The following MATR3 variants were observed in gnomAD, a reference collection of about 807,000 sequenced individuals.
MATR3 encodes matrin-3.
MATR3 carries 4 observed loss-of-function variants against 85.5 expected under a neutral mutation model. That is an observed-to-expected ratio of 0.05 (90% confidence interval 0.02 to 0.11). The LOEUF (loss-of-function observed/expected upper bound fraction) is 0.11, where lower values mean the gene tolerates loss of function less well. Ranked by LOEUF, MATR3 falls within the 10% of genes least tolerant of loss-of-function variation. The pLI is 1.00. For synonymous variants in MATR3, 336 were observed against 343.1 expected, an observed-to-expected ratio of 0.98 and a Z score of 0.23; for missense variants, 685 against 1,016.1, an observed-to-expected ratio of 0.67 and a Z score of 4.43.
In MATR3 at chr5:139,320,583, G is replaced by A. The variant is rs144363054; in HGVS notation, c.1602+1082G>A. ...GTGCCACTGTACTTCAGCATAGGCA[G>A]TGGAGTGAGACCCTGTCTCAAAAAG... On this transcript the variant is annotated intron_variant, in intron 9 of 14. Coordinates refer to ENST00000394805, the MANE Select transcript of MATR3 (RefSeq NM_018834.6). Among the ~76,000 whole-genome samples, 14 of 152,266 alleles carry A rather than the reference G, an allele frequency of 9.2e-5. No individual in the cohort carries two copies. The East Asian group carries it at 1.5e-3, about 17-fold the overall frequency.
At chr5:139,299,517 TGTTAAAAATTAGTCGG>T (rs1015300810) in intron 1 of MATR3, among the ~76,000 whole-genome samples, 1 of 151,990 alleles carries the variant, frequency 6.6e-6, no homozygotes, top group Non-Finnish European at 1.5e-5. Flanking sequence ...CTACTAAAAA[TGTTAAAAATTAGTCGG>T]GTATAGTGGT....
In MATR3 at chr5:139,314,889, T is replaced by G; in HGVS notation, c.974+153T>G. 3 of 681,322 alleles carry G rather than the reference T, an allele frequency of 4.4e-6. No homozygotes were observed. In the South Asian group the frequency reaches 4.8e-5, roughly 11 times the overall value. 42.2% of individuals were successfully genotyped at this position (681,322 alleles called of 1,614,324 possible). On this transcript the variant is annotated intron_variant, in intron 3 of 14. Coordinates refer to ENST00000394805, the MANE Select transcript of MATR3 (RefSeq NM_018834.6). ...CAATACTATTTACAAGTAAAATGTT[T>G]AGATCTGGAAATTTCATATTGAATA...
intron 2 of MATR3, among the ~76,000 whole-genome samples, chr5:139,309,781 T>G (rs1754879642): frequency 6.6e-6 from 1 of 152,176 alleles, no homozygotes; most frequent in South Asian, 2.1e-4. Context: ...TGATCAGCAC[T>G]AAACTTTAAA....
Position 139,319,344 on chromosome 5 carries a change from G to A in MATR3, c.1445G>A (p.Gly482Glu), listed in dbSNP as rs1554148245. ...TGTTATTTATTAAAGAAACCTGAAG[G>A]AAAGCCAGATCAGAAGTTTGATCAA... ...QKYKRIKKPE[G>E]KPDQKFDQKQ... is the part of the protein sequence containing the mutation. The change falls in exon 9 of 15, where the codon GGA (glycine) becomes GAA (glutamate). Residue 482 changes from glycine (G) to glutamate (E), a missense_variant. Physicochemically the swap from Gly to Glu is moderately conservative, Grantham distance 98. Transcript: ENST00000394805. The A allele has an allele frequency of 6.2e-7, 1 of 1,614,078 alleles. No homozygotes were observed. The highest frequency in any genetic ancestry group is 8.5e-7 in the Non-Finnish European group (1 of 1,180,006).
chr5:139,281,063 G>A (rs1023096052), intron 3 of MATR3, among the ~76,000 whole-genome samples: 4 of 152,146 alleles, frequency 2.6e-5, no homozygotes, highest in African/African-American at 7.2e-5. Context: ...CCAGCCTGGT[G>A]TGCAGTGGCA....
At chr5:139,275,894 C>T (rs1323616031) in intron 1 of MATR3, among the ~76,000 whole-genome samples, 1 of 152,186 alleles carries the variant, frequency 6.6e-6, no homozygotes, top group African/African-American at 2.4e-5. Context: ...GGGGATAGAG[C>T]CAGGCTCCCT....
chr5:139,325,514 A>G lies in MATR3; in HGVS notation c.2223A>G (p.Thr741=), dbSNP rs757434419. The change falls in exon 13 of 15, where the codon ACA becomes ACG. Residue 741 remains threonine, a synonymous_variant. Coordinates refer to ENST00000394805, the MANE Select transcript of MATR3 (RefSeq NM_018834.6). ...ATGGAATTAAAAATGAGGAAAACAC[A>G]GAACCAGGTGCTGAATCTTCTGAGA... The part of the protein sequence containing the change: ...LENGIKNEEN[T]EPGAESSENA... The G allele has an allele frequency of 1.2e-6, 2 of 1,614,250 alleles. No homozygotes were observed. Among genetic ancestry groups the G allele is most frequent in the Non-Finnish European group, 1.7e-6 (2 of 1,180,042 alleles).
intron 5 of MATR3, among the ~76,000 whole-genome samples, chr5:139,316,721 T>C (rs1022356485): frequency 2.6e-5 from 4 of 152,150 alleles, no homozygotes; most frequent in Non-Finnish European, 5.9e-5. Flanking sequence ...AGCTAATTTT[T>C]ATATTTTTGG....
rs1332715729 is a variant in MATR3, at chr5:139,307,620, G to A, written c.205G>A (p.Ala69Thr). The change falls in exon 2 of 15, where the codon GCT (alanine) becomes ACT (threonine). Residue 69 changes from alanine (A) to threonine (T), a missense_variant. By Grantham distance (58) the Ala-to-Thr change is moderately conservative. Transcript: ENST00000394805. This position sits in a 1 kb window ranked among gnomAD's most constrained non-coding sequence, Gnocchi z 4.4. ...GMSSSLNQQG[A>T]HSALSSASTS... ...GAGTTCTTCATTGAATCAACAAGGA[G>A]CTCATAGTGCACTGTCTTCTGCTAG... 1 of 1,614,156 alleles carries A rather than the reference G, an allele frequency of 6.2e-7. No homozygotes were observed. Among genetic ancestry groups the A allele is most frequent in the Admixed American group, 1.7e-5 (1 of 60,014 alleles).
At chr5:139,274,245 A>G (rs1441234912) in intron 1 of MATR3, 2 of 356,232 alleles carry the variant, frequency 5.6e-6, no homozygotes, top group Non-Finnish European at 1.1e-5. Flanking sequence ...CTGCCGGGGC[A>G]CGGGACGAAA....
intron 2 of MATR3, among the ~76,000 whole-genome samples, chr5:139,309,183 C>T (rs1308174026): frequency 6.6e-6 from 1 of 152,170 alleles, no homozygotes; most frequent in Non-Finnish European, 1.5e-5. Context: ...GTTGTCCTTT[C>T]TCTTTCAACT....
chr5:139,287,733 A>C (rs1004234086), intron 3 of MATR3, among the ~76,000 whole-genome samples: 7 of 152,070 alleles, frequency 4.6e-5, no homozygotes, highest in African/African-American at 1.7e-4. Context: ...CCTGATGCAC[A>C]CCCACTCCCA....
At chr5:139,279,799 G>A (rs530041960) in intron 3 of MATR3, 2 of 152,410 alleles carry the variant, frequency 1.3e-5, no homozygotes, top group African/African-American at 4.8e-5. Flanking sequence ...ACCGCGCCCA[G>A]CCAAGTATCA....
chr5:139,282,116 G>A (rs1402180799), intron 3 of MATR3, among the ~76,000 whole-genome samples: 2 of 152,162 alleles, frequency 1.3e-5, no homozygotes, highest in African/African-American at 2.4e-5. Context: ...GGAAAACACC[G>A]TGCTAAGAGC....
At position 139,319,547 on chromosome 5, in the gene MATR3, C is replaced by G. The variant is rs986325815; in HGVS notation, c.1602+46C>G. The G allele has an allele frequency of 6.5e-6, 10 of 1,547,208 alleles. No homozygotes were observed. The African/African-American group carries it at 6.9e-5, about 11-fold the overall frequency. ...TTAGAGAAGATAATTTATTAAAATC[C>G]TTAAGATTTTTCAATATGGAGCTGG... On this transcript the variant is annotated intron_variant, in intron 9 of 14. Coordinates refer to ENST00000394805, the MANE Select transcript of MATR3 (RefSeq NM_018834.6).
intron 1 of MATR3, among the ~76,000 whole-genome samples, chr5:139,275,195 C>G (rs917019132): frequency 9.8e-6 from 1 of 102,310 alleles, no homozygotes; most frequent in African/African-American, 3.7e-5. Context: ...GACGGGGTTT[C>G]ACCGTGTTAG....
chr5:139,331,304 AC>A lies in MATR3; in HGVS notation c.*1912del. 2.2e-6 allele frequency: 1 copy of A among 454,156 alleles called. No individual in the cohort carries two copies. The allele number at this position is 454,156 out of a possible 1,614,324, so 28.1% of individuals were successfully genotyped here. On this transcript the variant is annotated 3_prime_UTR_variant, in exon 15 of 15. Transcript: ENST00000394805. ...AATTTAATTTTAGCCTTTACTAATT[AC>A]CCACTTCTGTTTAATTCCAATTTTT...
At chr5:139,321,318 G>T (rs1755555025) in intron 9 of MATR3, among the ~76,000 whole-genome samples, 2 of 151,910 alleles carry the variant, frequency 1.3e-5, no homozygotes, top group African/African-American at 4.8e-5. Flanking sequence ...AGGCCCAGCT[G>T]ATTTTTGCAT....
Position 139,330,307 on chromosome 5 carries a change from A to G in MATR3, c.*912A>G, listed in dbSNP as rs1219796089. On this transcript the variant is annotated 3_prime_UTR_variant, in exon 15 of 15. Transcript: ENST00000394805. ...CCTTTGTGAACAGAAATTTGCATGT[A>G]TAATTTGTGTTTACTTGTAACTTTC... is the stretch of plus-strand genomic sequence containing the variant. 1.5e-5 allele frequency: 7 copies of G among 453,898 alleles called. No individual in the cohort carries two copies. The highest frequency in any genetic ancestry group is 9.3e-5 in the South Asian group (6 of 64,342). 28.1% of individuals were successfully genotyped at this position (453,898 alleles called of 1,614,324 possible).
Sources: gnomAD v4.1 joint callset for allele counts (sites outside exome capture counted in the v4.1 genomes callset) on GRCh38, gnomAD v4.1.1 for gene constraint, Gnocchi (gnomAD v3.1) non-coding constraint, MANE v1.5 for transcripts, NCBI Gene and HGNC (gene_info 2026-07-23, HGNC 2026-07-21) for gene names.